Variants in CCDC3 observed in about 807,000 individuals in gnomAD.
The protein encoded by CCDC3 is coiled-coil domain-containing protein 3.
CCDC3 carries 24 observed loss-of-function variants against 21.4 expected under a neutral mutation model. The ratio of observed to expected loss-of-function variants is 1.12; its 90% CI spans 0.81 to 1.58. CCDC3 has a LOEUF of 1.58. Among genes scored for constraint, CCDC3 ranks in the 40% most tolerant of loss-of-function variants. CCDC3 has a pLI of 0.00. For missense variants in CCDC3, 425 were observed against 360.9 expected, an observed-to-expected ratio of 1.18 and a Z score of -1.44; for synonymous variants, 186 against 166.0, an observed-to-expected ratio of 1.12 and a Z score of -0.93.
chr10:12,898,657 T>C lies in CCDC3; in HGVS notation c.572A>G (p.Lys191Arg), dbSNP rs199734871. The change falls in exon 3 of 3, where the codon AAG becomes AGG. Residue 191 changes from lysine (K) to arginine (R), a missense_variant. Lys to Arg is a conservative substitution (Grantham distance 26, BLOSUM62 2). Coordinates refer to ENST00000378825, the MANE Select transcript of CCDC3 (RefSeq NM_031455.4). ...GTGGTCCTCCTCCTCAAACAAGGCC[T>C]TCTGCACCGAGGAGCACATGAGCTG... is the stretch of plus-strand genomic sequence containing the variant. The part of the protein sequence containing the change: ...DSRLMCSSVQ[K>R]ALFEEEDHVK... 17 of 1,614,206 alleles carry C rather than the reference T, an allele frequency of 1.1e-5. No individual in the cohort carries two copies. The East Asian group carries it at 3.6e-4, about 34-fold the overall frequency.
At chr10:13,034,733 C>T (rs1488813731) in intron 5 of CCDC3, among the ~76,000 whole-genome samples, 1 of 143,140 alleles carries the variant, frequency 7.0e-6, no homozygotes, top group East Asian at 1.9e-4. Flanking sequence ...AAACAAAAAA[C>T]CAGGTCTGGC....
At position 13,066,240 on chromosome 10, in the gene CCDC3, C is replaced by G. The variant is rs547788274; in HGVS notation, c.-270+7628G>C. On this transcript the variant is annotated intron_variant, in intron 4 of 6. Coordinates refer to the CCDC3 transcript ENST00000378839. The stretch of plus-strand genomic sequence containing the variant: ...TGGTACGATCTTGGCCCACTGCACC[C>G]TTGCCCTCCCGGGCTCAGGTGATTC... 2.6e-5 allele frequency among the ~76,000 whole-genome samples: 4 copies of G among 152,276 alleles called. No homozygotes were observed. In the East Asian group the frequency reaches 7.7e-4, roughly 29 times the overall value.
intron 4 of CCDC3, among the ~76,000 whole-genome samples, chr10:13,068,655 A>G (rs1036198546): frequency 1.3e-5 from 2 of 152,238 alleles, no homozygotes; most frequent in African/African-American, 4.8e-5. Context: ...GCCTACAGAC[A>G]TATGGAATAA....
intron 2 of CCDC3, among the ~76,000 whole-genome samples, chr10:12,984,599 C>T (rs1277549472): frequency 2.6e-5 from 4 of 152,136 alleles, no homozygotes; most frequent in Non-Finnish European, 4.4e-5. Context: ...CGTACAAAAA[C>T]CTGTTCATAG....
At chr10:13,043,583 G>A (rs908631257) in intron 5 of CCDC3, among the ~76,000 whole-genome samples, 13 of 152,024 alleles carry the variant, frequency 8.6e-5, no homozygotes, top group African/African-American at 2.4e-4. Flanking sequence ...GACAGAGTGA[G>A]ACTTTGTCTC....
intron 2 of CCDC3, among the ~76,000 whole-genome samples, chr10:12,948,339 A>G (rs1834951935): frequency 6.6e-6 from 1 of 151,790 alleles, no homozygotes; most frequent in Admixed American, 6.6e-5. Flanking sequence ...TATTAGCAGC[A>G]TGAGAACAGA....
chr10:13,059,247 G>T (rs1277086523), intron 4 of CCDC3, among the ~76,000 whole-genome samples: 1 of 152,188 alleles, frequency 6.6e-6, no homozygotes, highest in Non-Finnish European at 1.5e-5. Context: ...ATGGAAGATG[G>T]CAGAGTCTTC....
At chr10:13,012,276 A>T (rs1358393976) in intron 5 of CCDC3, among the ~76,000 whole-genome samples, 1 of 152,214 alleles carries the variant, frequency 6.6e-6, no homozygotes, top group Non-Finnish European at 1.5e-5. Flanking sequence ...TTGGGAGAAA[A>T]TATTCACAAA....
At chr10:12,979,481 C>T (rs1835464770) in intron 2 of CCDC3, among the ~76,000 whole-genome samples, 1 of 151,936 alleles carries the variant, frequency 6.6e-6, no homozygotes, top group South Asian at 2.1e-4. Context: ...CAGCCTCGAC[C>T]TCCTTGGCTT....
intron 5 of CCDC3, among the ~76,000 whole-genome samples, chr10:13,041,292 T>C (rs1588401609): frequency 6.6e-6 from 1 of 152,112 alleles, no homozygotes; most frequent in African/African-American, 2.4e-5. Context: ...TAAAGCTAGA[T>C]GAGTAGTATT....
In CCDC3 at chr10:13,074,163, T is replaced by A. The variant is rs1218211090; in HGVS notation, c.-502-63A>T. 4.0e-3 allele frequency: 450 copies of A among 112,454 alleles called. 2 individuals carry two copies. The highest frequency in any genetic ancestry group is 0.013 in the African/African-American group (370 of 29,070). The allele number at this position is 112,454 out of a possible 1,614,324, so 7.0% of individuals were successfully genotyped here. A position where few individuals can be genotyped will look rare whatever the true frequency, so the allele number is the denominator to read the frequency against. ...TATATATATATATATATTTTTTTTT[T>A]TTTTTTTTTTTGAGACAGAGTTTCA... On this transcript the variant is annotated intron_variant, in intron 3 of 6. Transcript: ENST00000378839.
intron 2 of CCDC3, among the ~76,000 whole-genome samples, chr10:12,971,240 GC>G (rs1201683573): frequency 6.6e-6 from 1 of 152,156 alleles, no homozygotes; most frequent in African/African-American, 2.4e-5. Flanking sequence ...ATCGTGGGCA[GC>G]TGAACCAATG....
intron 2 of CCDC3, among the ~76,000 whole-genome samples, chr10:12,977,364 A>G (rs1389694061): frequency 6.6e-6 from 1 of 152,224 alleles, no homozygotes; most frequent in African/African-American, 2.4e-5. Context: ...TGTCTTTAAG[A>G]GAGTAAGCAG....
chr10:13,022,985 CAT>C (rs1367468874), intron 5 of CCDC3, among the ~76,000 whole-genome samples: 1 of 151,358 alleles, frequency 6.6e-6, no homozygotes, highest in Non-Finnish European at 1.5e-5. Context: ...AGGAAGATGA[CAT>C]AAAAAATACT....
At chr10:12,989,615 T>C (rs539674160) in intron 2 of CCDC3, among the ~76,000 whole-genome samples, 48 of 151,874 alleles carry the variant, frequency 3.2e-4, no homozygotes, top group East Asian at 2.3e-3. Context: ...AGAGACAGGG[T>C]TTCACCATGT....
chr10:13,016,110 A>G (rs945063497), intron 5 of CCDC3, among the ~76,000 whole-genome samples: 3 of 152,018 alleles, frequency 2.0e-5, no homozygotes, highest in Non-Finnish European at 4.4e-5. Context: ...CATTAAAAAA[A>G]TTTTAATAAA....
intron 2 of CCDC3, among the ~76,000 whole-genome samples, chr10:12,917,398 G>A (rs532964441): frequency 9.9e-5 from 15 of 151,570 alleles, no homozygotes; most frequent in Admixed American, 3.9e-4. Flanking sequence ...GGGTTTCACC[G>A]TGTTAGCCAG....
Position 13,043,845 on chromosome 10 carries a change from GATTT to G in CCDC3, c.-2+5825_-2+5828del, listed in dbSNP as rs1485606055. On this transcript the variant is annotated intron_variant, in intron 5 of 6. Coordinates refer to the CCDC3 transcript ENST00000378839. ...ATTGCAGGTAACTTTTTGGTGGAAT[GATTT>G]ATTTTCCTTTGGATATACACCCAGT... Among the ~76,000 whole-genome samples, 4 of 152,276 alleles carry G rather than the reference GATTT, an allele frequency of 2.6e-5. No individual in the cohort carries two copies. In the East Asian group the frequency reaches 7.7e-4, roughly 29 times the overall value.
Position 13,016,237 on chromosome 10 carries a change from TA to T in CCDC3, c.-1-17726del, listed in dbSNP as rs140154185. 2.2e-3 allele frequency among the ~76,000 whole-genome samples: 315 copies of T among 140,818 alleles called. 2 individuals carry two copies. The highest frequency in any genetic ancestry group is 7.8e-3 in the African/African-American group (295 of 37,814). The allele number at this position is 140,818 out of a possible 152,430, so 92.4% of individuals were successfully genotyped here. ...CCCTCCCATAGAGTTAACAAATGAA[TA>T]AACAAATAAAAACCCCAGCACCCAT... On this transcript the variant is annotated intron_variant, in intron 5 of 6. Transcript: ENST00000378839.
Sources: allele counts gnomAD v4.1 joint callset (sites outside exome capture counted in the v4.1 genomes callset), GRCh38; gene constraint gnomAD v4.1.1; transcripts MANE v1.5; gene names NCBI Gene and HGNC (gene_info 2026-07-23, HGNC 2026-07-21).